Variants in TMEM200A observed in about 807,000 individuals in gnomAD.
The protein encoded by TMEM200A is transmembrane protein 200A.
TMEM200A carries 12 observed loss-of-function variants against 24.3 expected under a neutral mutation model. The observed-to-expected ratio is 0.49, with a 90% CI of 0.32 to 0.80. The LOEUF (loss-of-function observed/expected upper bound fraction) is 0.80. Ranked by LOEUF, TMEM200A falls within the 30% of genes least tolerant of loss-of-function variation. The probability of loss-of-function intolerance (pLI) is 0.04; values close to 1 mark genes in which losing one functional copy is unlikely to be tolerated. For synonymous variants in TMEM200A, 224 were observed against 224.4 expected (o/e 1.00, Z 0.02); for missense variants, 545 against 614.4 (o/e 0.89, Z 1.19).
At position 130,419,763 on chromosome 6, in the gene TMEM200A, C is replaced by T. The variant is rs890508633; in HGVS notation, c.-16-20644C>T. On this transcript the variant is annotated intron_variant, in intron 2 of 2. Transcript: ENST00000296978. ...AGGAATTAAACCAAAAACATTTACT[C>T]AGTGACACCACTTGTCTTAGTCTGT... Among the ~76,000 whole-genome samples, 11 of 152,206 alleles carry T rather than the reference C, an allele frequency of 7.2e-5. 1 individual carries two copies. The highest frequency in any genetic ancestry group is 2.2e-4 in the African/African-American group (9 of 41,462).
chr6:130,426,578 C>A (rs1262178412), intron 2 of TMEM200A, among the ~76,000 whole-genome samples: 1 of 151,688 alleles, frequency 6.6e-6, no homozygotes, highest in East Asian at 1.9e-4. Flanking sequence ...AGAAAGAAGC[C>A]GTTTCCATCT....
chr6:130,410,339 T>C (rs910348759), intron 2 of TMEM200A, among the ~76,000 whole-genome samples: 4 of 152,204 alleles, frequency 2.6e-5, no homozygotes, highest in Non-Finnish European at 4.4e-5. Flanking sequence ...GGACTCAAAA[T>C]CTCTGGAGTG....
chr6:130,391,175 C>T (rs778110410), intron 2 of TMEM200A, among the ~76,000 whole-genome samples: 8 of 152,072 alleles, frequency 5.3e-5, no homozygotes, highest in Non-Finnish European at 8.8e-5. Flanking sequence ...TGCCACAGCT[C>T]GGACACCCAT....
chr6:130,441,685 G>T lies in TMEM200A; in HGVS notation c.1263G>T (p.Arg421Ser), dbSNP rs776962557. The stretch of plus-strand genomic sequence containing the variant: ...AACGGAAACATCCAAGTTGGCCTAG[G>T]TTGGATCGGAACAACAGCAAGGGAT... Reference protein sequence around the residue: ...AEQRKHPSWPRLDRNNSKGYM... With the variant: ...AEQRKHPSWPSLDRNNSKGYM... Residue 421 changes from arginine to serine, a missense_variant, in exon 3 of 3, where the codon AGG becomes AGT. Transcript: ENST00000296978. The T allele has an allele frequency of 6.2e-7, 1 of 1,614,064 alleles. No homozygotes were observed. The highest frequency in any genetic ancestry group is 8.5e-7 in the Non-Finnish European group (1 of 1,179,994).
intron 2 of TMEM200A, among the ~76,000 whole-genome samples, chr6:130,424,760 A>T (rs928983974): frequency 6.6e-6 from 1 of 152,094 alleles, no homozygotes. Flanking sequence ...CATCAAGTAA[A>T]ACCTAGAGAT....
chr6:130,373,103 G>A (rs144271812), intron 1 of TMEM200A, among the ~76,000 whole-genome samples: 59 of 152,260 alleles, frequency 3.9e-4, no homozygotes, highest in African/African-American at 1.4e-3. Flanking sequence ...ACATCTTTGG[G>A]CTTAAATGCA....
intron 2 of TMEM200A, among the ~76,000 whole-genome samples, chr6:130,395,776 A>T (rs1583191923): frequency 6.6e-6 from 1 of 152,342 alleles, no homozygotes; most frequent in Admixed American, 6.5e-5. Flanking sequence ...AAGATAATTC[A>T]AGGTGGATCA....
At chr6:130,415,599 C>T (rs1232508944) in intron 2 of TMEM200A, among the ~76,000 whole-genome samples, 1 of 152,116 alleles carries the variant, frequency 6.6e-6, no homozygotes, top group Non-Finnish European at 1.5e-5. Flanking sequence ...GCCCTACTTT[C>T]GTCGTTTACT....
At chr6:130,398,368 C>A (rs966160570) in intron 2 of TMEM200A, among the ~76,000 whole-genome samples, 5 of 151,978 alleles carry the variant, frequency 3.3e-5, no homozygotes, top group Admixed American at 1.3e-4. Context: ...CAGTCTACCA[C>A]TGATGGGCAA....
intron 2 of TMEM200A, chr6:130,420,975 A>G (rs1473201342): frequency 1.3e-5 from 2 of 152,138 alleles, no homozygotes; most frequent in Admixed American, 6.6e-5. Flanking sequence ...ATGTTTCTCT[A>G]GTAACAGCAT....
In TMEM200A at chr6:130,402,982, G is replaced by A. The variant is rs568727124; in HGVS notation, c.-17+17746G>A. 2.9e-4 allele frequency among the ~76,000 whole-genome samples: 44 copies of A among 152,044 alleles called. 1 individual carries two copies. The highest frequency in any genetic ancestry group is 1.1e-3 in the African/African-American group (44 of 41,514). The stretch of plus-strand genomic sequence containing the variant: ...CATATCACTTTTAACTGCAATTTCT[G>A]CATCTTGCCTCCAGTTACCACTCTC... On this transcript the variant is annotated intron_variant, in intron 2 of 2. Transcript: ENST00000296978.
intron 2 of TMEM200A, among the ~76,000 whole-genome samples, chr6:130,404,644 T>A (rs1284738435): frequency 6.6e-6 from 1 of 152,224 alleles, no homozygotes; most frequent in Non-Finnish European, 1.5e-5. Context: ...TGATGATAGT[T>A]TCTTCTGCTG....
Position 130,441,926 on chromosome 6 carries a change from G to C in TMEM200A, c.*28G>C, listed in dbSNP as rs377183182. The C allele has an allele frequency of 6.5e-7, 1 of 1,544,234 alleles. No homozygotes were observed. The highest frequency in any genetic ancestry group is 8.7e-7 in the Non-Finnish European group (1 of 1,148,962). On this transcript the variant is annotated 3_prime_UTR_variant, in exon 3 of 3. Coordinates refer to ENST00000296978, the MANE Select transcript of TMEM200A (RefSeq NM_001258277.2). ...TTAAAAGAATATATCATTTTACAAG[G>C]GTATATATTTTAAAACGATTTTCAC...
chr6:130,432,384 TA>T (rs1181633049), intron 2 of TMEM200A, among the ~76,000 whole-genome samples: 1 of 152,236 alleles, frequency 6.6e-6, no homozygotes, highest in Non-Finnish European at 1.5e-5. Context: ...AGAATGAATT[TA>T]AAAGAAAGGC....
At chr6:130,426,314 A>T (rs1361218409) in intron 2 of TMEM200A, among the ~76,000 whole-genome samples, 1 of 152,148 alleles carries the variant, frequency 6.6e-6, no homozygotes, top group Admixed American at 6.6e-5. Context: ...ACTGTGCAGC[A>T]CGCAAAAGAT....
At chr6:130,369,218 A>G (rs1778253865) in intron 1 of TMEM200A, among the ~76,000 whole-genome samples, 1 of 152,198 alleles carries the variant, frequency 6.6e-6, no homozygotes, top group Admixed American at 6.5e-5. Context: ...AATTTTCACA[A>G]ATGATGCAAT....
In TMEM200A at chr6:130,377,700, C is replaced by T. The variant is rs9483118; in HGVS notation, c.-80-7473C>T. The stretch of plus-strand genomic sequence containing the variant: ...TACTTTTATTTATTCATTCAATAAA[C>T]ATTTTCTGAGTACTTACCATGTACT... On this transcript the variant is annotated intron_variant, in intron 1 of 2. Coordinates refer to ENST00000296978, the MANE Select transcript of TMEM200A (RefSeq NM_001258277.2). Among the ~76,000 whole-genome samples, 877 of 152,278 alleles carry T rather than the reference C, an allele frequency of 5.8e-3. 5 individuals are homozygous for T. Among genetic ancestry groups the T allele is most frequent in the African/African-American group, 0.02 (829 of 41,542 alleles).
At chr6:130,410,674 A>G (rs1446634173) in intron 2 of TMEM200A, among the ~76,000 whole-genome samples, 1 of 152,230 alleles carries the variant, frequency 6.6e-6, no homozygotes, top group Non-Finnish European at 1.5e-5. Flanking sequence ...TAATCAGAAA[A>G]CATGACAAGA....
At chr6:130,429,856 A>G (rs1187795054) in intron 2 of TMEM200A, among the ~76,000 whole-genome samples, 1 of 152,090 alleles carries the variant, frequency 6.6e-6, no homozygotes, top group Non-Finnish European at 1.5e-5. Flanking sequence ...ACAACCAGAA[A>G]CCTGATTTCC....
Sources: gnomAD v4.1 joint callset for allele counts (sites outside exome capture counted in the v4.1 genomes callset) on GRCh38, gnomAD v4.1.1 for gene constraint, MANE v1.5 for transcripts, NCBI Gene and HGNC (gene_info 2026-07-23, HGNC 2026-07-21) for gene names.